ANKS1A: variants seen among roughly 807,000 people sequenced by gnomAD.
The protein encoded by ANKS1A is ankyrin repeat and sterile alpha motif domain containing 1A, also known as ankyrin repeat and SAM domain-containing protein 1A.
In ANKS1A, 55 loss-of-function variants were observed where a neutral mutation model predicts 120.3. The ratio of observed to expected loss-of-function variants is 0.46; its 90% CI spans 0.37 to 0.57. The LOEUF (loss-of-function observed/expected upper bound fraction) is 0.57. Ranked by LOEUF, ANKS1A falls within the 20% of genes least tolerant of loss-of-function variation. ANKS1A has a pLI of 0.00. For synonymous variants in ANKS1A, 590 were observed against 604.7 expected (o/e 0.98, Z 0.36); for missense variants, 1,123 against 1,480.3 (o/e 0.76, Z 3.96).
intron 1 of ANKS1A, among the ~76,000 whole-genome samples, chr6:34,958,080 A>G (rs1355548241): frequency 6.6e-6 from 1 of 152,178 alleles, no homozygotes; most frequent in East Asian, 1.9e-4. Flanking sequence ...ACATAGGATT[A>G]TGGGTTCCAG....
chr6:35,070,964 C>A, intron 13 of ANKS1A: 1 of 594,290 alleles, frequency 1.7e-6, no homozygotes. Context: ...AACCACTTTC[C>A]AGGGTTTCCC....
chr6:34,908,811 A>G (rs1255576337), intron 1 of ANKS1A, among the ~76,000 whole-genome samples: 1 of 152,136 alleles, frequency 6.6e-6, no homozygotes, highest in Admixed American at 6.5e-5. Flanking sequence ...TTAAGTATGC[A>G]GACATGCTTT....
intron 11 of ANKS1A, among the ~76,000 whole-genome samples, chr6:35,049,565 C>T (rs943316658): frequency 1.4e-4 from 21 of 152,020 alleles, no homozygotes; most frequent in African/African-American, 4.8e-4. Context: ...TGGCTCAGGC[C>T]TAAGGAGACT....
chr6:34,993,067 C>T (rs901831612), intron 9 of ANKS1A, among the ~76,000 whole-genome samples: 1 of 152,166 alleles, frequency 6.6e-6, no homozygotes, highest in Non-Finnish European at 1.5e-5. Flanking sequence ...TCCCCCTACT[C>T]CCACCCCCTT....
intron 13 of ANKS1A, among the ~76,000 whole-genome samples, chr6:35,062,281 T>C (rs762862042): frequency 6.6e-6 from 1 of 152,184 alleles, no homozygotes; most frequent in Non-Finnish European, 1.5e-5. Context: ...GGACCTCAGA[T>C]ACCTAGAGTG....
intron 1 of ANKS1A, among the ~76,000 whole-genome samples, chr6:34,950,383 C>T (rs1770021167): frequency 6.6e-6 from 1 of 152,004 alleles, no homozygotes; most frequent in African/African-American, 2.4e-5. Flanking sequence ...CACCCGCCAC[C>T]ACGCCCAGCT....
intron 1 of ANKS1A, among the ~76,000 whole-genome samples, chr6:34,943,103 G>T (rs1022470375): frequency 6.6e-6 from 1 of 152,028 alleles, no homozygotes; most frequent in Non-Finnish European, 1.5e-5. Flanking sequence ...AAGTAGCTAG[G>T]AATACAGGTG....
At chr6:35,063,354 G>A (rs550948479) in intron 13 of ANKS1A, among the ~76,000 whole-genome samples, 21 of 152,372 alleles carry the variant, frequency 1.4e-4, no homozygotes, top group African/African-American at 4.1e-4. Flanking sequence ...GGTAATTGGT[G>A]GTTGGCAAAT....
At chr6:34,911,315 C>T (rs576979929) in intron 1 of ANKS1A, among the ~76,000 whole-genome samples, 1 of 152,274 alleles carries the variant, frequency 6.6e-6, no homozygotes, top group East Asian at 1.9e-4. Context: ...GACATGTGTG[C>T]AGAAAGCCAA....
chr6:35,055,101 G>A (rs1171159467), intron 12 of ANKS1A, among the ~76,000 whole-genome samples: 1 of 152,218 alleles, frequency 6.6e-6, no homozygotes, highest in Non-Finnish European at 1.5e-5. Context: ...AGTCTGATGG[G>A]TGGGCTTGAG....
chr6:35,033,624 A>T (rs567398538), intron 11 of ANKS1A, among the ~76,000 whole-genome samples: 9 of 152,164 alleles, frequency 5.9e-5, no homozygotes, highest in African/African-American at 2.2e-4. Context: ...GCCTTCTTTC[A>T]TCTTGGGCAA....
downstream of ANKS1A, among the ~76,000 whole-genome samples, chr6:35,094,572 ATGTC>A (rs770389777): frequency 1.3e-5 from 2 of 152,250 alleles, no homozygotes; most frequent in Non-Finnish European, 2.9e-5. Context: ...AAAAAGTCAA[ATGTC>A]TGAGCAAAGA....
intron 13 of ANKS1A, chr6:35,071,033 T>G (rs544841368): frequency 1.4e-4 from 64 of 465,372 alleles, no homozygotes; most frequent in African/African-American, 1.1e-3. Context: ...GTCATCAACC[T>G]TACTTAGGTT....
At chr6:35,074,651 A>G (rs1356100652) in intron 13 of ANKS1A, among the ~76,000 whole-genome samples, 2 of 152,186 alleles carry the variant, frequency 1.3e-5, no homozygotes, top group Admixed American at 1.3e-4. Context: ...GAGCCACTGT[A>G]GGAACTCTGT....
At chr6:34,949,225 G>C (rs1769947586) in intron 1 of ANKS1A, among the ~76,000 whole-genome samples, 1 of 152,200 alleles carries the variant, frequency 6.6e-6, no homozygotes, top group Non-Finnish European at 1.5e-5. Flanking sequence ...ATTTCACAAA[G>C]ATTAAGATGG....
At chr6:34,904,285 A>G (rs1012116750) in intron 1 of ANKS1A, among the ~76,000 whole-genome samples, 1 of 152,344 alleles carries the variant, frequency 6.6e-6, no homozygotes, top group Admixed American at 6.5e-5. Flanking sequence ...AATAGCCTGT[A>G]CATGTTTAAT....
At chr6:35,067,497 G>A (rs1374436803) in intron 13 of ANKS1A, among the ~76,000 whole-genome samples, 3 of 152,342 alleles carry the variant, frequency 2.0e-5, no homozygotes, top group Non-Finnish European at 2.9e-5. Flanking sequence ...GGAGAAGCCC[G>A]AGTGCCCAGT....
Position 35,084,198 on chromosome 6 carries a change from C to T in ANKS1A, c.3072C>T (p.Tyr1024=). The T allele has an allele frequency of 3.1e-6, 5 of 1,614,238 alleles. No homozygotes were observed. The South Asian group carries it at 3.3e-5, about 11-fold the overall frequency. Reference sequence around the variant, plus strand: ...CGGAGGACCTCTGTACCTTTGCCTACATCACCAAGGACCTGCAGACCAGCC... The same window carrying T: ...CGGAGGACCTCTGTACCTTTGCCTATATCACCAAGGACCTGCAGACCAGCC... ...QDPEDLCTFA[Y]ITKDLQTSHH... is the part of the protein sequence containing the mutation. Residue 1024 remains tyrosine (Y), a synonymous_variant, in exon 21 of 24, where the codon TAC becomes TAT. Transcript: ENST00000360359. The surrounding 1 kb of genome is among the most constrained non-coding windows in gnomAD (Gnocchi z 4.8).
rs754307385 is a variant in ANKS1A at position 35,079,679 on chromosome 6, C to T, written c.2436+11C>T. ...CTAGAGCTCGTCAATGTGAGTAGTCCCTGCGTGGCCCGGCCTGGACTCTCC... is the reference window on the plus strand; with the variant it reads ...CTAGAGCTCGTCAATGTGAGTAGTCTCTGCGTGGCCCGGCCTGGACTCTCC... On this transcript the variant is annotated intron_variant, in intron 15 of 23. Transcript: ENST00000360359. 1.2e-6 allele frequency: 2 copies of T among 1,613,932 alleles called. No individual in the cohort carries two copies. The highest frequency in any genetic ancestry group is 3.3e-5 in the Admixed American group (2 of 60,000).
Sources: gnomAD v4.1 joint callset for allele counts (sites outside exome capture counted in the v4.1 genomes callset) on GRCh38, gnomAD v4.1.1 for gene constraint, Gnocchi (gnomAD v3.1) non-coding constraint, MANE v1.5 for transcripts, NCBI Gene and HGNC (gene_info 2026-07-23, HGNC 2026-07-21) for gene names.